ZMAT4: variants seen among roughly 807,000 people sequenced by gnomAD.
The protein encoded by ZMAT4 is zinc finger matrin-type protein 4.
A neutral mutation model predicts 28.7 loss-of-function variants in ZMAT4; 17 were observed. The ratio of observed to expected loss-of-function variants is 0.59; its 90% CI spans 0.41 to 0.89. The LOEUF is 0.89. Among genes scored for constraint, ZMAT4 ranks in the 40% least tolerant of loss-of-function variants. The probability of loss-of-function intolerance (pLI) is 0.00; values close to 1 mark genes in which losing one functional copy is unlikely to be tolerated. For missense variants in ZMAT4, 240 were observed against 283.8 expected (o/e 0.85, Z 1.11); for synonymous variants, 117 against 109.2 (o/e 1.07, Z -0.44).
chr8:40,643,143 T>A (rs1254594417), intron 5 of ZMAT4, among the ~76,000 whole-genome samples: 3 of 152,146 alleles, frequency 2.0e-5, no homozygotes, highest in African/African-American at 7.2e-5. Flanking sequence ...TCCCAGTGTG[T>A]TTAACCAAGC....
intron 1 of ZMAT4, among the ~76,000 whole-genome samples, chr8:40,868,997 G>A (rs901210839): frequency 6.6e-6 from 1 of 152,228 alleles, no homozygotes; most frequent in African/African-American, 2.4e-5. Flanking sequence ...GGGATGGGCT[G>A]CATTTTCTCT....
At chr8:40,538,254 T>A (rs1802912181) in intron 6 of ZMAT4, among the ~76,000 whole-genome samples, 1 of 152,210 alleles carries the variant, frequency 6.6e-6, no homozygotes, top group Non-Finnish European at 1.5e-5. Context: ...CAGACATTCC[T>A]TTCTGTTAAT....
At chr8:40,838,530 G>A (rs1450673375) in intron 1 of ZMAT4, among the ~76,000 whole-genome samples, 1 of 151,976 alleles carries the variant, frequency 6.6e-6, no homozygotes, top group East Asian at 1.9e-4. Context: ...TTTTTAAGAT[G>A]GGGTCTCACT....
chr8:40,732,692 A>G (rs6996583), intron 3 of ZMAT4, among the ~76,000 whole-genome samples: 38,509 of 152,048 alleles, frequency 0.25, 5,545 homozygotes, highest in East Asian at 0.56. Flanking sequence ...CTGGTGTCCA[A>G]CGTTATGGGG....
At chr8:40,827,799 C>G (rs927401189) in intron 1 of ZMAT4, among the ~76,000 whole-genome samples, 2 of 152,212 alleles carry the variant, frequency 1.3e-5, no homozygotes, top group East Asian at 1.9e-4. Context: ...CCTCCTCCCC[C>G]ACAAGGCAAC....
intron 4 of ZMAT4, among the ~76,000 whole-genome samples, chr8:40,696,036 G>C (rs1809872417): frequency 6.6e-6 from 1 of 152,014 alleles, no homozygotes; most frequent in Non-Finnish European, 1.5e-5. Context: ...AGGTGAATAT[G>C]CAACATTTAA....
chr8:40,543,461 C>T (rs1803105960), intron 6 of ZMAT4, among the ~76,000 whole-genome samples: 1 of 152,184 alleles, frequency 6.6e-6, no homozygotes, highest in Admixed American at 6.5e-5. Flanking sequence ...TAGTCAAAAT[C>T]CACCCTGATC....
chr8:40,779,048 T>C (rs548218018), intron 2 of ZMAT4, among the ~76,000 whole-genome samples: 4 of 152,154 alleles, frequency 2.6e-5, no homozygotes, highest in Admixed American at 2.0e-4. Context: ...TCATCTTGAA[T>C]TGTGGCTCCC....
intron 2 of ZMAT4, chr8:40,786,654 C>A (rs764531637): frequency 7.9e-7 from 1 of 1,268,178 alleles, no homozygotes; most frequent in South Asian, 1.3e-5. Context: ...CATTCATTAA[C>A]CATCCTCATT....
At chr8:40,710,737 G>T (rs1039143301) in intron 3 of ZMAT4, among the ~76,000 whole-genome samples, 1 of 151,836 alleles carries the variant, frequency 6.6e-6, no homozygotes, top group Non-Finnish European at 1.5e-5. Context: ...GGACTCAAAG[G>T]CAACCTTGAA....
intron 2 of ZMAT4, 61 bp downstream of exon 2, chr8:40,825,511 TACA>T: frequency 7.1e-7 from 1 of 1,410,094 alleles, no homozygotes; most frequent in Non-Finnish European, 9.7e-7. Context: ...CCTGGAGTCC[TACA>T]ACAATGACCC....
intron 6 of ZMAT4, among the ~76,000 whole-genome samples, chr8:40,552,131 G>T (rs1316514249): frequency 6.6e-6 from 1 of 152,156 alleles, no homozygotes; most frequent in African/African-American, 2.4e-5. Context: ...TACTTGGAAA[G>T]ATTTCTCATA....
At chr8:40,602,925 C>T (rs1393694253) in intron 5 of ZMAT4, among the ~76,000 whole-genome samples, 1 of 152,036 alleles carries the variant, frequency 6.6e-6, no homozygotes, top group African/African-American at 2.4e-5. Flanking sequence ...TAAGTCCCAT[C>T]CATTTATCTT....
At chr8:40,785,957 A>G (rs1945930807) in intron 2 of ZMAT4, among the ~76,000 whole-genome samples, 1 of 152,106 alleles carries the variant, frequency 6.6e-6, no homozygotes, top group African/African-American at 2.4e-5. Flanking sequence ...AACGATGACC[A>G]TTATTTTTTT....
chr8:40,628,518 G>C lies in ZMAT4; in HGVS notation c.577+46186C>G, dbSNP rs555136087. Among the ~76,000 whole-genome samples the C allele has an allele frequency of 1.3e-5, 2 of 152,202 alleles. 1 individual carries two copies. The highest frequency in any genetic ancestry group is 4.2e-4 in the South Asian group (2 of 4,812). On this transcript the variant is annotated intron_variant, in intron 5 of 6. Transcript: ENST00000297737. ...TAACACAATGAAAATAGGAAGCCTCGGCCCTCCCATCCATTTTATTATAAG... is the reference window on the plus strand; with the variant it reads ...TAACACAATGAAAATAGGAAGCCTCCGCCCTCCCATCCATTTTATTATAAG...
chr8:40,588,172 A>T (rs1195130380), intron 5 of ZMAT4, among the ~76,000 whole-genome samples: 1 of 152,076 alleles, frequency 6.6e-6, no homozygotes, highest in African/African-American at 2.4e-5. Flanking sequence ...ACATAAAAAC[A>T]AGAAATATCT....
intron 2 of ZMAT4, among the ~76,000 whole-genome samples, chr8:40,819,363 G>A (rs140088694): frequency 6.6e-6 from 1 of 152,256 alleles, no homozygotes; most frequent in African/African-American, 2.4e-5. Flanking sequence ...GGGGTCTCAA[G>A]TACAGACCAA....
intron 5 of ZMAT4, among the ~76,000 whole-genome samples, chr8:40,654,330 C>G (rs1029396095): frequency 6.6e-6 from 1 of 152,124 alleles, no homozygotes; most frequent in Non-Finnish European, 1.5e-5. Flanking sequence ...CACACTGTAG[C>G]CTGTGAAATG....
intron 3 of ZMAT4, among the ~76,000 whole-genome samples, chr8:40,729,511 C>T (rs1226463119): frequency 6.6e-6 from 1 of 152,094 alleles, no homozygotes. Context: ...TAAGTAGATA[C>T]TAAATAATCA....
Sources: gnomAD v4.1 joint callset for allele counts (sites outside exome capture counted in the v4.1 genomes callset) on GRCh38, gnomAD v4.1.1 for gene constraint, MANE v1.5 for transcripts, NCBI Gene and HGNC (gene_info 2026-07-23, HGNC 2026-07-21) for gene names.